Variants in ABHD17C observed in about 807,000 individuals in gnomAD.
ABHD17C encodes alpha/beta hydrolase domain-containing protein 17C.
A neutral mutation model predicts 27.9 loss-of-function variants in ABHD17C; 11 were observed. The ratio of observed to expected loss-of-function variants is 0.39; its 90% CI spans 0.25 to 0.65. The LOEUF (loss-of-function observed/expected upper bound fraction) is 0.65, where lower values mean the gene tolerates loss of function less well. Ranked by LOEUF, ABHD17C falls within the 30% of genes least tolerant of loss-of-function variation. The probability of loss-of-function intolerance (pLI) is 0.45; values close to 1 mark genes in which losing one functional copy is unlikely to be tolerated. For missense variants in ABHD17C, 280 were observed against 470.2 expected, an observed-to-expected ratio of 0.60 and a Z score of 3.74; for synonymous variants, 233 against 209.1, an observed-to-expected ratio of 1.11 and a Z score of -0.98.
At chr15:80,702,282 T>G (rs1174538520) in intron 1 of ABHD17C, among the ~76,000 whole-genome samples, 2 of 152,074 alleles carry the variant, frequency 1.3e-5, no homozygotes, top group African/African-American at 4.8e-5. Flanking sequence ...GAGGATTGCT[T>G]GAGCCCAGGA....
intron 1 of ABHD17C, among the ~76,000 whole-genome samples, chr15:80,742,340 G>A (rs8029403): frequency 0.028 from 4,274 of 152,232 alleles, 137 homozygotes; most frequent in African/African-American, 0.075. Context: ...ATCTTGCCGG[G>A]GGGTGAAAGT....
intron 1 of ABHD17C, among the ~76,000 whole-genome samples, chr15:80,734,148 C>T (rs115454426): frequency 2.9e-3 from 447 of 152,110 alleles, no homozygotes; most frequent in African/African-American, 0.01. Flanking sequence ...CCATGCCGGA[C>T]TAATTTTTGT....
intron 1 of ABHD17C, among the ~76,000 whole-genome samples, chr15:80,745,169 A>T (rs1482909755): frequency 6.6e-6 from 1 of 152,192 alleles, no homozygotes; most frequent in African/African-American, 2.4e-5. Context: ...CAGCATTTAC[A>T]ACCCCCAGGA....
intron 1 of ABHD17C, among the ~76,000 whole-genome samples, chr15:80,717,784 A>G (rs1894828223): frequency 6.6e-6 from 1 of 152,184 alleles, no homozygotes; most frequent in African/African-American, 2.4e-5. Context: ...TTAGGATTGA[A>G]CCAGAGTAGG....
chr15:80,713,620 C>T (rs111940224), intron 1 of ABHD17C, among the ~76,000 whole-genome samples: 3,826 of 151,634 alleles, frequency 0.025, 106 homozygotes, highest in Admixed American at 0.063. Context: ...CCAGCCTGGC[C>T]AACATAGTGA....
intron 1 of ABHD17C, among the ~76,000 whole-genome samples, chr15:80,739,774 C>G (rs1895181861): frequency 6.6e-6 from 1 of 152,136 alleles, no homozygotes; most frequent in East Asian, 1.9e-4. Flanking sequence ...CTCAGGTATT[C>G]CTTTATAGCA....
intron 1 of ABHD17C, among the ~76,000 whole-genome samples, chr15:80,730,688 G>A (rs188221457): frequency 3.6e-4 from 55 of 152,308 alleles, no homozygotes; most frequent in African/African-American, 1.1e-3. Context: ...GACAAAAAGC[G>A]TGTGAAGTGC....
chr15:80,737,510 C>G (rs1895147955), intron 1 of ABHD17C, among the ~76,000 whole-genome samples: 2 of 152,122 alleles, frequency 1.3e-5, no homozygotes, highest in African/African-American at 4.8e-5. Flanking sequence ...CTCACTGATC[C>G]CTGAGCCTGG....
At chr15:80,698,028 A>G (rs1358820972) in intron 1 of ABHD17C, among the ~76,000 whole-genome samples, 3 of 151,722 alleles carry the variant, frequency 2.0e-5, no homozygotes, top group African/African-American at 7.3e-5. Flanking sequence ...TTCTATGGGC[A>G]GCACACATAG....
chr15:80,695,909 C>T lies in ABHD17C; in HGVS notation c.480C>T (p.Asn160=), dbSNP rs201033272. 4.4e-6 allele frequency: 7 copies of T among 1,597,480 alleles called. No individual in the cohort carries two copies. In the East Asian group the frequency reaches 1.6e-4, roughly 36 times the overall value. Residue 160 remains asparagine, a synonymous_variant, in exon 1 of 3, where the codon AAC becomes AAT. Coordinates refer to ENST00000258884, the MANE Select transcript of ABHD17C (RefSeq NM_021214.2). The surrounding 1 kb of genome is among the most constrained non-coding windows in gnomAD (Gnocchi z 4.3). ...SFYIGLGSRI[N]CNIFSYDYSG... is the part of the protein sequence containing the mutation. The stretch of plus-strand genomic sequence containing the variant: ...ACATTGGCCTCGGCTCCCGCATCAA[C>T]TGCAACATCTTCTCCTACGACTACT...
At chr15:80,702,234 AC>A (rs1894583263) in intron 1 of ABHD17C, among the ~76,000 whole-genome samples, 1 of 151,246 alleles carries the variant, frequency 6.6e-6, no homozygotes, top group Admixed American at 6.6e-5. Flanking sequence ...CCTCACTGAG[AC>A]CTCCCTGTAG....
chr15:80,723,138 A>ATATGTGTGTGTGTGTGTGTG (rs58011508), intron 1 of ABHD17C, among the ~76,000 whole-genome samples: 1 of 124,936 alleles, frequency 8.0e-6, no homozygotes, highest in East Asian at 3.1e-4. Flanking sequence ...GTGTGTATAT[A>ATATGTGTGTGTGTGTGTGTG]TGTGTGTGTG....
chr15:80,741,771 T>C lies in ABHD17C; in HGVS notation c.591-7742T>C, dbSNP rs1895214711. Among the ~76,000 whole-genome samples, 3 of 152,202 alleles carry C rather than the reference T, an allele frequency of 2.0e-5. No individual in the cohort carries two copies. In the South Asian group the frequency reaches 6.2e-4, roughly 31 times the overall value. ...ACTTCCTTTTCACTTAAAGGAAGCA[T>C]GTTGCAACTTCTCTTTGGCATATTC... On this transcript the variant is annotated intron_variant, in intron 1 of 2. Coordinates refer to ENST00000258884, the MANE Select transcript of ABHD17C (RefSeq NM_021214.2).
At chr15:80,729,750 A>G (rs891046706) in intron 1 of ABHD17C, among the ~76,000 whole-genome samples, 2 of 152,192 alleles carry the variant, frequency 1.3e-5, no homozygotes, top group African/African-American at 2.4e-5. Flanking sequence ...ATGTTCGAGA[A>G]CCTAATGGCA....
At chr15:80,726,382 T>G (rs1297312989) in intron 1 of ABHD17C, among the ~76,000 whole-genome samples, 1 of 152,184 alleles carries the variant, frequency 6.6e-6, no homozygotes, top group Non-Finnish European at 1.5e-5. Flanking sequence ...CTCCCAACAT[T>G]GCTGTTTTGA....
At chr15:80,705,333 T>TGTGTGTGTGTGTGTGTGTGTGTGTGTG (rs1555421865) in intron 1 of ABHD17C, among the ~76,000 whole-genome samples, 20 of 106,890 alleles carry the variant, frequency 1.9e-4, no homozygotes, top group African/African-American at 3.9e-4. Flanking sequence ...TTCCTATGAT[T>TGTGTGTGTGTGTGTGTGTGTGTGTGTG]TGTGTGTGTG....
intron 1 of ABHD17C, among the ~76,000 whole-genome samples, chr15:80,716,706 T>C (rs56246032): frequency 0.038 from 5,817 of 152,332 alleles, 185 homozygotes; most frequent in Middle Eastern, 0.054. Flanking sequence ...ATATTTGAAT[T>C]CCCTACAGAA....
rs772535968 is a variant in ABHD17C at position 80,754,386 on chromosome 15, C to G, written c.*16C>G. 2 of 1,597,018 alleles carry G rather than the reference C, an allele frequency of 1.3e-6. No individual in the cohort carries two copies. The highest frequency in any genetic ancestry group is 2.2e-5 in the East Asian group (1 of 44,660). Reference sequence around the variant, plus strand: ...TAATTCCTGAAGACAACAACTTGATCTTACCTCATTTACTGTGAACAGAAG... The same window carrying G: ...TAATTCCTGAAGACAACAACTTGATGTTACCTCATTTACTGTGAACAGAAG... On this transcript the variant is annotated 3_prime_UTR_variant, in exon 3 of 3. Coordinates refer to ENST00000258884, the MANE Select transcript of ABHD17C (RefSeq NM_021214.2).
Position 80,754,383 on chromosome 15 carries a change from G to C in ABHD17C, c.*13G>C. On this transcript the variant is annotated 3_prime_UTR_variant, in exon 3 of 3. Transcript: ENST00000258884. ...TCCTAATTCCTGAAGACAACAACTT[G>C]ATCTTACCTCATTTACTGTGAACAG... 1.3e-6 allele frequency: 2 copies of C among 1,599,712 alleles called. No homozygotes were observed. The highest frequency in any genetic ancestry group is 1.7e-6 in the Non-Finnish European group (2 of 1,170,046).
Sources: allele counts gnomAD v4.1 joint callset (sites outside exome capture counted in the v4.1 genomes callset), GRCh38; gene constraint gnomAD v4.1.1; non-coding constraint Gnocchi (gnomAD v3.1); transcripts MANE v1.5; gene names NCBI Gene and HGNC (gene_info 2026-07-23, HGNC 2026-07-21).